DCDC2: variants seen among roughly 807,000 people sequenced by gnomAD.
DCDC2 encodes doublecortin domain-containing protein 2.
A neutral mutation model predicts 50.2 loss-of-function variants in DCDC2; 40 were observed. That is an observed-to-expected ratio of 0.80 (90% CI 0.62 to 1.04). The LOEUF (loss-of-function observed/expected upper bound fraction) is 1.04. Ranked by LOEUF, DCDC2 falls within the 50% of genes least tolerant of loss-of-function variation. The pLI, the probability that DCDC2 is intolerant of heterozygous loss-of-function variation, is 0.00. For synonymous variants in DCDC2, 234 were observed against 210.6 expected, an observed-to-expected ratio of 1.11 and a Z score of -0.96; for missense variants, 570 against 581.9, an observed-to-expected ratio of 0.98 and a Z score of 0.21.
chr6:24,341,073 T>C (rs939325562), intron 2 of DCDC2, among the ~76,000 whole-genome samples: 1 of 152,210 alleles, frequency 6.6e-6, no homozygotes, highest in Non-Finnish European at 1.5e-5. Flanking sequence ...CATATGGCTA[T>C]GTAATTTGAA....
rs570160142 is a variant in DCDC2 at position 24,353,059 on chromosome 6, C to T, written c.348+510G>A. ...TTTCCAACCTTCACATAAGCTTTCA[C>T]GAACTATGCTTAACTCGTACTTCGA... On this transcript the variant is annotated intron_variant, in intron 2 of 9. Coordinates refer to ENST00000378454, the MANE Select transcript of DCDC2 (RefSeq NM_016356.5). Among the ~76,000 whole-genome samples the T allele has an allele frequency of 7.9e-5, 12 of 152,280 alleles. No individual in the cohort carries two copies. In the East Asian group the frequency reaches 1.5e-3, roughly 20 times the overall value.
chr6:24,285,343 C>T (rs2328208), intron 6 of DCDC2, among the ~76,000 whole-genome samples: 102,466 of 152,094 alleles, frequency 0.67, 36,776 homozygotes, highest in East Asian at 0.82. Context: ...CTTAACGTCA[C>T]TTCCTCCATG....
intron 8 of DCDC2, among the ~76,000 whole-genome samples, chr6:24,185,682 TACACATACACAC>T (rs1450357703): frequency 1.3e-5 from 1 of 74,194 alleles, no homozygotes; most frequent in African/African-American, 5.3e-5. Flanking sequence ...CACCCATCCA[TACACATACACAC>T]ACACACACAC....
intron 7 of DCDC2, among the ~76,000 whole-genome samples, chr6:24,224,625 C>T (rs959973398): frequency 1.3e-5 from 2 of 152,068 alleles, no homozygotes; most frequent in Admixed American, 6.5e-5. Context: ...CTTTGTAAGC[C>T]CCCTCTCAGG....
chr6:24,217,029 G>A (rs1054321496), intron 7 of DCDC2, among the ~76,000 whole-genome samples: 5 of 152,014 alleles, frequency 3.3e-5, no homozygotes, highest in African/African-American at 9.7e-5. Context: ...CTACTTGCAC[G>A]CCTGAATGAA....
chr6:24,326,580 G>A (rs1174778677), intron 2 of DCDC2, among the ~76,000 whole-genome samples: 8 of 149,104 alleles, frequency 5.4e-5, no homozygotes, highest in East Asian at 4.5e-4. Flanking sequence ...TATGATGAGC[G>A]GGCATGGAGG....
intron 8 of DCDC2, among the ~76,000 whole-genome samples, chr6:24,183,494 T>C (rs566929227): frequency 1.8e-3 from 267 of 152,154 alleles, no homozygotes; most frequent in African/African-American, 6.2e-3. Context: ...GAAGAAGGTA[T>C]AATAAACCAG....
chr6:24,272,980 T>G (rs1763269621), intron 7 of DCDC2, among the ~76,000 whole-genome samples: 1 of 151,358 alleles, frequency 6.6e-6, no homozygotes, highest in African/African-American at 2.4e-5. Context: ...AATGGATAAC[T>G]GGAAAAAGAA....
chr6:24,261,440 G>T (rs973592435), intron 7 of DCDC2, among the ~76,000 whole-genome samples: 6 of 152,000 alleles, frequency 3.9e-5, no homozygotes, highest in African/African-American at 1.5e-4. Flanking sequence ...GGCCAGAGAA[G>T]CATGTTCAGC....
intron 2 of DCDC2, among the ~76,000 whole-genome samples, chr6:24,326,619 G>A (rs1759873087): frequency 6.7e-6 from 1 of 149,020 alleles, no homozygotes; most frequent in African/African-American, 2.4e-5. Flanking sequence ...CACTTTGGGA[G>A]GCCGAGGCAT....
chr6:24,222,338 G>C (rs1161497608), intron 7 of DCDC2, among the ~76,000 whole-genome samples: 1 of 152,196 alleles, frequency 6.6e-6, no homozygotes, highest in South Asian at 2.1e-4. Flanking sequence ...CTTTACCTGT[G>C]AGCTTTTCTT....
chr6:24,264,857 ATC>A (rs1188520608), intron 7 of DCDC2, among the ~76,000 whole-genome samples: 2 of 152,126 alleles, frequency 1.3e-5, no homozygotes, highest in African/African-American at 4.8e-5. Flanking sequence ...AGACCTGACA[ATC>A]TGTTACCTAC....
At chr6:24,292,931 G>T (rs807714) in intron 4 of DCDC2, among the ~76,000 whole-genome samples, 1,527 of 152,240 alleles carry the variant, frequency 0.01, 29 homozygotes, top group African/African-American at 0.034. Context: ...AATCATACCT[G>T]CTTGAGAGCC....
At chr6:24,214,385 C>T (rs775299190) in intron 7 of DCDC2, among the ~76,000 whole-genome samples, 2 of 152,174 alleles carry the variant, frequency 1.3e-5, no homozygotes, top group Non-Finnish European at 2.9e-5. Context: ...GTTCTTATTC[C>T]TACACTTCTG....
At chr6:24,183,571 A>G (rs1245829738) in intron 8 of DCDC2, among the ~76,000 whole-genome samples, 1 of 152,108 alleles carries the variant, frequency 6.6e-6, no homozygotes, top group African/African-American at 2.4e-5. Context: ...AGCCCTGTGG[A>G]CCCTTGGCCC....
intron 8 of DCDC2, among the ~76,000 whole-genome samples, chr6:24,203,790 G>GA (rs953336135): frequency 1.3e-4 from 19 of 148,084 alleles, no homozygotes; most frequent in South Asian, 2.2e-4. Context: ...AAATTTACAA[G>GA]AAAAAAAACA....
chr6:24,232,697 G>A (rs1762361491), intron 7 of DCDC2, among the ~76,000 whole-genome samples: 1 of 152,124 alleles, frequency 6.6e-6, no homozygotes, highest in Non-Finnish European at 1.5e-5. Context: ...GGTTGAACAA[G>A]GGAAATCAAA....
chr6:24,272,658 A>G (rs1245563475), intron 7 of DCDC2, among the ~76,000 whole-genome samples: 2 of 152,238 alleles, frequency 1.3e-5, no homozygotes, highest in African/African-American at 4.8e-5. Context: ...TTAAAACCAC[A>G]GTGAGATATC....
intron 2 of DCDC2, among the ~76,000 whole-genome samples, chr6:24,349,709 G>C (rs1760330555): frequency 1.3e-5 from 2 of 152,186 alleles, no homozygotes; most frequent in South Asian, 4.1e-4. Context: ...ACGGTCAGAA[G>C]CTAAGAAAAC....
Sources: allele counts gnomAD v4.1 joint callset (sites outside exome capture counted in the v4.1 genomes callset), GRCh38; gene constraint gnomAD v4.1.1; transcripts MANE v1.5; gene names NCBI Gene and HGNC (gene_info 2026-07-23, HGNC 2026-07-21).